ANXA4: variants seen among roughly 807,000 people sequenced by gnomAD.
The protein encoded by ANXA4 is 35-beta calcimedin.
A neutral mutation model predicts 49.8 loss-of-function variants in ANXA4; 39 were observed. The observed-to-expected ratio is 0.78, with a 90% CI of 0.61 to 1.02. The LOEUF is 1.02. Among genes scored for constraint, ANXA4 ranks in the 50% least tolerant of loss-of-function variants. The pLI is 0.00. For synonymous variants in ANXA4, 134 were observed against 152.5 expected (o/e 0.88, Z 0.89); for missense variants, 360 against 410.1 (o/e 0.88, Z 1.05).
chr2:69,775,249 G>A (rs1310585617), intron 1 of ANXA4, among the ~76,000 whole-genome samples: 3 of 152,264 alleles, frequency 2.0e-5, no homozygotes, highest in Non-Finnish European at 2.9e-5. Flanking sequence ...TGGCTAGAGC[G>A]CAGACTCACT....
At chr2:69,757,793 TAATAAA>T (rs904031311) in intron 1 of ANXA4, among the ~76,000 whole-genome samples, 4 of 151,236 alleles carry the variant, frequency 2.6e-5, no homozygotes, top group African/African-American at 9.7e-5. Flanking sequence ...CGGTCTCTAT[TAATAAA>T]AATACAAAAA....
intron 1 of ANXA4, among the ~76,000 whole-genome samples, chr2:69,775,318 A>G (rs994462016): frequency 6.6e-6 from 1 of 152,222 alleles, no homozygotes; most frequent in African/African-American, 2.4e-5. Context: ...TCTGTTACAG[A>G]TAATAACCAA....
At chr2:69,740,419 T>C (rs1191712839), upstream of ANXA4, among the ~76,000 whole-genome samples, 2 of 152,064 alleles carry the variant, frequency 1.3e-5, no homozygotes, top group South Asian at 2.1e-4. Flanking sequence ...TTTTTCCTAC[T>C]GTTTGACCTT....
chr2:69,684,002 T>G (rs1038456024), intron 2 of ANXA4, among the ~76,000 whole-genome samples: 1 of 149,050 alleles, frequency 6.7e-6, no homozygotes, highest in Non-Finnish European at 1.5e-5. Flanking sequence ...TTTTAAGTTG[T>G]GTTATGTTAA....
At chr2:69,811,855 C>T (rs1673716776) in intron 7 of ANXA4, among the ~76,000 whole-genome samples, 1 of 152,170 alleles carries the variant, frequency 6.6e-6, no homozygotes, top group African/African-American at 2.4e-5. Context: ...ATATTTCTTT[C>T]CCACTTTCTC....
chr2:69,665,710 G>A (rs1229075384), intron 2 of ANXA4, among the ~76,000 whole-genome samples: 1 of 152,102 alleles, frequency 6.6e-6, no homozygotes. Context: ...TCCAAAGCTT[G>A]TAGACACAAG....
intron 2 of ANXA4, among the ~76,000 whole-genome samples, chr2:69,661,941 T>C (rs559963999): frequency 1.3e-5 from 2 of 152,292 alleles, no homozygotes; most frequent in African/African-American, 2.4e-5. Context: ...CTCTCTGGAA[T>C]GGGGACACCA....
intron 1 of ANXA4, among the ~76,000 whole-genome samples, chr2:69,780,424 G>C (rs142089921): frequency 0.011 from 1,724 of 152,214 alleles, 40 homozygotes; most frequent in African/African-American, 0.039. Context: ...TCAAACTCCT[G>C]ACCTCAAATG....
intron 2 of ANXA4, among the ~76,000 whole-genome samples, chr2:69,663,637 T>C (rs984318684): frequency 7.9e-5 from 12 of 151,924 alleles, no homozygotes; most frequent in African/African-American, 2.9e-4. Flanking sequence ...CACTGCACTC[T>C]AGCCTGGGTG....
At chr2:69,706,234 T>A (rs1396702193) in intron 2 of ANXA4, among the ~76,000 whole-genome samples, 5 of 150,504 alleles carry the variant, frequency 3.3e-5, no homozygotes, top group African/African-American at 7.3e-5. Flanking sequence ...CAGTATCTAG[T>A]GTGATGATTA....
chr2:69,798,917 C>T (rs1395620107), intron 3 of ANXA4, among the ~76,000 whole-genome samples: 1 of 152,112 alleles, frequency 6.6e-6, no homozygotes, highest in African/African-American at 2.4e-5. Flanking sequence ...ACACACACAT[C>T]GAGTGAGTTT....
At chr2:69,672,960 A>G (rs937467911) in intron 2 of ANXA4, among the ~76,000 whole-genome samples, 7 of 152,306 alleles carry the variant, frequency 4.6e-5, no homozygotes, top group Non-Finnish European at 8.8e-5. Flanking sequence ...CAAAACCACA[A>G]TGAGATACCA....
At chr2:69,767,923 TTA>T (rs1169140829) in intron 1 of ANXA4, among the ~76,000 whole-genome samples, 3 of 152,038 alleles carry the variant, frequency 2.0e-5, no homozygotes, top group African/African-American at 7.2e-5. Flanking sequence ...TACATACTCT[TTA>T]TATATATACA....
At chr2:69,684,760 A>G (rs934030229) in intron 2 of ANXA4, among the ~76,000 whole-genome samples, 4 of 151,790 alleles carry the variant, frequency 2.6e-5, no homozygotes, top group African/African-American at 9.7e-5. Context: ...TCAATGGGGG[A>G]CATAGAGAAA....
chr2:69,691,622 T>C (rs1677974035), intron 2 of ANXA4, among the ~76,000 whole-genome samples: 1 of 152,062 alleles, frequency 6.6e-6, no homozygotes, highest in Non-Finnish European at 1.5e-5. Flanking sequence ...TATGCATGCC[T>C]ATAGCTTATT....
At chr2:69,666,628 T>G (rs762146167) in intron 2 of ANXA4, among the ~76,000 whole-genome samples, 1 of 152,232 alleles carries the variant, frequency 6.6e-6, no homozygotes, top group Non-Finnish European at 1.5e-5. Flanking sequence ...ATATGGAATA[T>G]TCATACAATG....
chr2:69,764,255 G>A (rs962641909), intron 1 of ANXA4, among the ~76,000 whole-genome samples: 1 of 152,162 alleles, frequency 6.6e-6, no homozygotes. Flanking sequence ...ACCTGTAATA[G>A]TTTACCAATG....
intron 2 of ANXA4, among the ~76,000 whole-genome samples, chr2:69,708,806 C>T (rs1398378038): frequency 6.6e-6 from 1 of 151,740 alleles, no homozygotes; most frequent in African/African-American, 2.4e-5. Flanking sequence ...CATTTGAGGC[C>T]AGGAGTTCGA....
Position 69,707,667 on chromosome 2 carries a change from A to G in ANXA4, n.767-13107A>G, listed in dbSNP as rs539883261. ...ATGTTTTGATACAGGCATGCTACGC[A>G]TAACAATCGCATCATATAAAATGGG... On this transcript the variant is annotated intron_variant and non_coding_transcript_variant, in intron 2 of 3. Coordinates refer to the ANXA4 transcript ENST00000418066. Among the ~76,000 whole-genome samples, 5 of 152,386 alleles carry G rather than the reference A, an allele frequency of 3.3e-5. No individual in the cohort carries two copies. In the East Asian group the frequency reaches 9.6e-4, roughly 29 times the overall value.
Sources: gnomAD v4.1 joint callset for allele counts (sites outside exome capture counted in the v4.1 genomes callset) on GRCh38, gnomAD v4.1.1 for gene constraint, MANE v1.5 for transcripts, NCBI Gene and HGNC (gene_info 2026-07-23, HGNC 2026-07-21) for gene names.